The following NRN1L variants were observed in gnomAD, a reference collection of about 807,000 sequenced individuals.
NRN1L encodes the protein neuritin-like protein.
In NRN1L, 12 loss-of-function variants were observed where a neutral mutation model predicts 8.8. That is an observed-to-expected ratio of 1.36 (90% CI 0.87 to 2.20). NRN1L has a LOEUF of 2.20. NRN1L is among the 30% of genes most tolerant of loss of function. The pLI is 0.00. For synonymous variants in NRN1L, 114 were observed against 99.2 expected, an observed-to-expected ratio of 1.15 and a Z score of -0.88; for missense variants, 266 against 232.4, an observed-to-expected ratio of 1.14 and a Z score of -0.94.
chr16:67,884,925 CGCT>C lies in NRN1L; in HGVS notation c.31_33del (p.Cys11del), dbSNP rs771540260. Reference sequence around the variant, plus strand: ...AGGGATGATGCGCTGCTGCCGCCGCCGCTGCTGCTGCCGGCAACCACCCCATGC... The same window carrying C: ...AGGGATGATGCGCTGCTGCCGCCGCCGCTGCTGCCGGCAACCACCCCATGC... On this transcript the variant is annotated inframe_deletion, in exon 1 of 3. Transcript: ENST00000339176. This position sits in a 1 kb window ranked among gnomAD's most constrained non-coding sequence, Gnocchi z 4.1. 3.7e-6 allele frequency: 6 copies of C among 1,606,428 alleles called. No homozygotes were observed. The highest frequency in any genetic ancestry group is 1.1e-5 in the South Asian group (1 of 91,070).
chr16:67,886,086 A>G lies in NRN1L; in HGVS notation c.325A>G (p.Asn109Asp). ...QQEARQAPRP[N>D]NLHTLCGAPV... ...AGAAGCTCGCCAGGCCCCCCGTCCG[A>G]ATAACTTGCACACTCTGTGCGGTGC... The change falls in exon 3 of 3, where the codon AAT becomes GAT. Residue 109 changes from asparagine to aspartate, a missense_variant. By Grantham distance (23) the Asn-to-Asp change is conservative. Transcript: ENST00000339176. The G allele has an allele frequency of 6.2e-7, 1 of 1,613,450 alleles. No individual in the cohort carries two copies. The highest frequency in any genetic ancestry group is 8.5e-7 in the Non-Finnish European group (1 of 1,179,784).
chr16:67,885,693 T>TGGCCC, intron 1 of NRN1L, 29 bp from the exon 2 acceptor site: 3 of 1,257,200 alleles, frequency 2.4e-6, no homozygotes, highest in Non-Finnish European at 2.2e-6. Context: ...TACCATTCCT[T>TGGCCC]CCCCACCCCA....
In NRN1L at chr16:67,886,025, G is replaced by T. The variant is rs149800685; in HGVS notation, c.264G>T (p.Pro88=). ...CCTCTCAGGTCCTGTCAGGCTGTCCGGAGGAGGCAGCTGCAGTGTGGGAAT... is the reference window on the plus strand; with the variant it reads ...CCTCTCAGGTCCTGTCAGGCTGTCCTGAGGAGGCAGCTGCAGTGTGGGAAT... ...ACASQVLSGC[P]EEAAAVWESL... The change falls in exon 3 of 3, where the codon CCG becomes CCT. Residue 88 remains proline, a synonymous_variant. Coordinates refer to ENST00000339176, the MANE Select transcript of NRN1L (RefSeq NM_198443.2). 1 of 1,613,962 alleles carries T rather than the reference G, an allele frequency of 6.2e-7. No individual in the cohort carries two copies.
In NRN1L at chr16:67,885,703, ACCCCCG is replaced by A; in HGVS notation, c.80-14_80-9del. ...CTATCTACCATTCCTTCCCCACCCC[ACCCCCG>A]CCCCACTTCTAGTCCTTTTACCTCC... On this transcript the variant is annotated splice_polypyrimidine_tract_variant and intron_variant, in intron 1 of 2. Coordinates refer to ENST00000339176, the MANE Select transcript of NRN1L (RefSeq NM_198443.2). The A allele has an allele frequency of 7.9e-6, 5 of 634,968 alleles. No homozygotes were observed. The highest frequency in any genetic ancestry group is 2.5e-5 in the African/African-American group (1 of 39,786). 39.3% of individuals were successfully genotyped at this position (634,968 alleles called of 1,614,324 possible).
chr16:67,885,020 T>C, intron 1 of NRN1L, 38 bp downstream of exon 1: 1 of 1,564,504 alleles, frequency 6.4e-7, no homozygotes, highest in East Asian at 2.2e-5. Context: ...CACACCCCCT[T>C]CTCGCCCAGC....
rs1378288383 is a variant in NRN1L at position 67,885,862 on chromosome 16, C to T, written c.212+8C>T. On this transcript the variant is annotated splice_region_variant and intron_variant, in intron 2 of 2. Coordinates refer to ENST00000339176, the MANE Select transcript of NRN1L (RefSeq NM_198443.2). ...GCTGGAGACCATCTGCAGGTACCGG[C>T]GGGTGTGAGGCAGTGGCCCAACCTG... 6.4e-6 allele frequency: 10 copies of T among 1,570,776 alleles called. No individual in the cohort carries two copies. The highest frequency in any genetic ancestry group is 2.2e-5 in the East Asian group (1 of 44,622).
In NRN1L at chr16:67,886,311, G is replaced by A. The variant is rs997348192; in HGVS notation, c.*52G>A. 4 of 1,461,934 alleles carry A rather than the reference G, an allele frequency of 2.7e-6. No individual in the cohort carries two copies. Among genetic ancestry groups the A allele is most frequent in the Non-Finnish European group, 3.7e-6 (4 of 1,092,542 alleles). The allele number at this position is 1,461,934 out of a possible 1,614,324, so 90.6% of individuals were successfully genotyped here. On this transcript the variant is annotated 3_prime_UTR_variant, in exon 3 of 3. Coordinates refer to ENST00000339176, the MANE Select transcript of NRN1L (RefSeq NM_198443.2). ...TACCTCCAGCCCTGCTCTGGCGGTG[G>A]TTGTCCAGGCTCTGCAGAGCGCAGC...
In NRN1L at chr16:67,886,098, A is replaced by G. The variant is rs377323206; in HGVS notation, c.337A>G (p.Thr113Ala). The G allele has an allele frequency of 4.3e-5, 70 of 1,613,106 alleles. No individual in the cohort carries two copies. Among genetic ancestry groups the G allele is most frequent in the Non-Finnish European group, 5.6e-5 (66 of 1,179,778 alleles). The part of the protein sequence containing the change: ...RQAPRPNNLH[T>A]LCGAPVHVRE... ...GGCCCCCCGTCCGAATAACTTGCAC[A>G]CTCTGTGCGGTGCCCCGGTGCATGT... Residue 113 changes from threonine to alanine, a missense_variant, in exon 3 of 3, where the codon ACT becomes GCT. Thr to Ala is a moderately conservative substitution (Grantham distance 58). Coordinates refer to ENST00000339176, the MANE Select transcript of NRN1L (RefSeq NM_198443.2).
intron 1 of NRN1L, chr16:67,885,504 C>A (rs1220018816): frequency 9.1e-6 from 5 of 547,280 alleles, no homozygotes; most frequent in Non-Finnish European, 1.6e-5. Flanking sequence ...GTACACAACA[C>A]CCCCTTCCCC....
At chr16:67,885,322 TAGAGAGAG>T (rs2058090894) in intron 1 of NRN1L, 3 of 499,254 alleles carry the variant, frequency 6.0e-6, no homozygotes, top group African/African-American at 5.9e-5. Context: ...TATTTATCTT[TAGAGAGAG>T]TTCGGAGGGC....
chr16:67,887,825 A>G (rs1050905534), downstream of NRN1L, among the ~76,000 whole-genome samples: 2 of 150,840 alleles, frequency 1.3e-5, no homozygotes. Context: ...CTCATGATCC[A>G]CCCGCCTCGG....
At chr16:67,885,895 A>G in intron 2 of NRN1L, 41 bp downstream of exon 2, 1 of 1,576,010 alleles carries the variant, frequency 6.3e-7, no homozygotes, top group Non-Finnish European at 8.6e-7. Context: ...CTGTGCCACC[A>G]TTGGGGACTG....
chr16:67,886,929 A>G (rs1329948396), downstream of NRN1L, among the ~76,000 whole-genome samples: 1 of 152,210 alleles, frequency 6.6e-6, no homozygotes. Flanking sequence ...TGTGACCTGA[A>G]GTGGCAAAAA....
rs1161334361 is a variant in NRN1L, at chr16:67,885,835, G to T, written c.193G>T (p.Glu65Ter). ...RLGDSMGRGG[E>*]LETICRSWND... The stretch of plus-strand genomic sequence containing the variant: ...GGGGGACAGCATGGGCCGCGGAGGC[G>T]AGCTGGAGACCATCTGCAGGTACCG... The change falls in exon 2 of 3, where the codon GAG (glutamate) becomes TAG (stop). Residue 65 changes from glutamate (E) to a stop codon, truncating the protein, a stop_gained. Transcript: ENST00000339176. LOFTEE classifies it high-confidence loss of function. 2 of 1,577,574 alleles carry T rather than the reference G, an allele frequency of 1.3e-6. No homozygotes were observed. The highest frequency in any genetic ancestry group is 2.2e-5 in the East Asian group (1 of 44,662).
Position 67,886,098 on chromosome 16 carries a change from A to T in NRN1L, c.337A>T (p.Thr113Ser). The change falls in exon 3 of 3, where the codon ACT (threonine) becomes TCT (serine). Residue 113 changes from threonine (T) to serine (S), a missense_variant. Physicochemically the swap from Thr to Ser is moderately conservative, Grantham distance 58 (BLOSUM62 1). Coordinates refer to ENST00000339176, the MANE Select transcript of NRN1L (RefSeq NM_198443.2). ...RQAPRPNNLHTLCGAPVHVRE... is the reference protein window; with the variant it reads ...RQAPRPNNLHSLCGAPVHVRE... Reference sequence around the variant, plus strand: ...GGCCCCCCGTCCGAATAACTTGCACACTCTGTGCGGTGCCCCGGTGCATGT... The same window carrying T: ...GGCCCCCCGTCCGAATAACTTGCACTCTCTGTGCGGTGCCCCGGTGCATGT... 6.2e-7 allele frequency: 1 copy of T among 1,613,224 alleles called. No homozygotes were observed. Among genetic ancestry groups the T allele is most frequent in the Non-Finnish European group, 8.5e-7 (1 of 1,179,770 alleles).
intron 1 of NRN1L, chr16:67,885,516 G>A (rs1233490063): frequency 1.8e-6 from 1 of 566,272 alleles, no homozygotes; most frequent in Non-Finnish European, 3.1e-6. Context: ...CCCTTCCCCT[G>A]TACAAATCCC....
intron 1 of NRN1L, 192 bp from the exon 2 acceptor site, chr16:67,885,528 GTC>G (rs991566702): frequency 2.0e-4 from 116 of 573,992 alleles, no homozygotes; most frequent in Admixed American, 6.4e-4. Context: ...ACAAATCCCA[GTC>G]TGGGTCCTAC....
chr16:67,885,706 C>CCCCCCCCCCCA lies in NRN1L; in HGVS notation c.80-14_80-13insCCCCCCCCACC. The stretch of plus-strand genomic sequence containing the variant: ...TCTACCATTCCTTCCCCACCCCACC[C>CCCCCCCCCCCA]CCGCCCCACTTCTAGTCCTTTTACC... On this transcript the variant is annotated splice_polypyrimidine_tract_variant and intron_variant, in intron 1 of 2. Coordinates refer to ENST00000339176, the MANE Select transcript of NRN1L (RefSeq NM_198443.2). The CCCCCCCCCCCA allele has an allele frequency of 7.3e-7, 1 of 1,377,790 alleles. No homozygotes were observed. Among genetic ancestry groups the CCCCCCCCCCCA allele is most frequent in the Non-Finnish European group, 1.0e-6 (1 of 995,108 alleles). 85.3% of individuals were successfully genotyped at this position (1,377,790 alleles called of 1,614,324 possible). A position where few individuals can be genotyped will look rare whatever the true frequency, so the allele number is the denominator to read the frequency against.
Position 67,886,323 on chromosome 16 carries a change from C to T in NRN1L, c.*64C>T. On this transcript the variant is annotated 3_prime_UTR_variant, in exon 3 of 3. Transcript: ENST00000339176. ...TGCTCTGGCGGTGGTTGTCCAGGCT[C>T]TGCAGAGCGCAGCAGGGCTTTTCAT... The T allele has an allele frequency of 7.3e-7, 1 of 1,366,116 alleles. No homozygotes were observed. The highest frequency in any genetic ancestry group is 1.4e-5 in the South Asian group (1 of 72,874). The allele number at this position is 1,366,116 out of a possible 1,614,324, so 84.6% of individuals were successfully genotyped here.
Sources: allele counts gnomAD v4.1 joint callset (sites outside exome capture counted in the v4.1 genomes callset), GRCh38; gene constraint gnomAD v4.1.1; non-coding constraint Gnocchi (gnomAD v3.1); transcripts MANE v1.5; gene names NCBI Gene and HGNC (gene_info 2026-07-23, HGNC 2026-07-21).